The following LRRC9 variants were observed in gnomAD, a reference collection of about 807,000 sequenced individuals.
The protein encoded by LRRC9 is leucine-rich repeat-containing protein 9.
Under a neutral mutation model 63.2 loss-of-function variants are expected in LRRC9, and 122 were observed. The ratio of observed to expected loss-of-function variants is 1.93; its 90% CI spans 1.67 to 2.24. LRRC9 has a LOEUF of 2.24. LRRC9 is among the 30% of genes most tolerant of loss of function. LRRC9 has a pLI of 0.00. For missense variants in LRRC9, 1,071 were observed against 627.7 expected (o/e 1.71, Z -7.55); for synonymous variants, 366 against 213.1 (o/e 1.72, Z -6.25).
chr14:59,957,542 A>G (rs1448783273), intron 8 of LRRC9, among the ~76,000 whole-genome samples: 1 of 151,946 alleles, frequency 6.6e-6, no homozygotes, highest in Non-Finnish European at 1.5e-5. Flanking sequence ...CCTTTTATCA[A>G]TGTTCTTAGC....
intron 17 of LRRC9, among the ~76,000 whole-genome samples, chr14:59,994,931 C>T (rs1217205046): frequency 6.6e-6 from 1 of 151,962 alleles, no homozygotes; most frequent in Non-Finnish European, 1.5e-5. Context: ...CTGGGTGCAG[C>T]ACACCAACAT....
At chr14:60,063,231 G>A (rs117610982) in intron 31 of LRRC9, 92 bp from the exon 33 acceptor site, 1 of 662,270 alleles carries the variant, frequency 1.5e-6, no homozygotes. Flanking sequence ...CTAAAATACA[G>A]AAATTATTTA....
chr14:60,047,269 G>C (rs1893514479), intron 29 of LRRC9, among the ~76,000 whole-genome samples: 2 of 152,014 alleles, frequency 1.3e-5, no homozygotes, highest in African/African-American at 4.8e-5. Context: ...TTGCCTGATT[G>C]TCCTGGCCAG....
chr14:60,032,893 C>G (rs564591785), intron 29 of LRRC9, among the ~76,000 whole-genome samples: 1 of 152,124 alleles, frequency 6.6e-6, no homozygotes, highest in African/African-American at 2.4e-5. Context: ...TGAGAAAACC[C>G]AGGAGGGCCA....
At chr14:59,983,404 T>C (rs955552420) in intron 16 of LRRC9, among the ~76,000 whole-genome samples, 1 of 152,202 alleles carries the variant, frequency 6.6e-6, no homozygotes, top group African/African-American at 2.4e-5. Context: ...AGATTTACTA[T>C]TTTAGTAAGA....
chr14:59,975,465 G>A (rs1217669300), intron 13 of LRRC9, among the ~76,000 whole-genome samples: 1 of 151,770 alleles, frequency 6.6e-6, no homozygotes, highest in East Asian at 1.9e-4. Context: ...AGAAATATAA[G>A]TACACAAACC....
intron 29 of LRRC9, among the ~76,000 whole-genome samples, chr14:60,040,820 T>C (rs558893905): frequency 2.4e-4 from 37 of 151,998 alleles, no homozygotes; most frequent in Non-Finnish European, 4.4e-4. Flanking sequence ...AGCTGGTTAT[T>C]TTGCTCATCA....
chr14:60,024,695 T>A (rs1891383177), intron 27 of LRRC9, among the ~76,000 whole-genome samples: 1 of 152,026 alleles, frequency 6.6e-6, no homozygotes, highest in African/African-American at 2.4e-5. Flanking sequence ...TTATTTTAGA[T>A]TCAAGGGGTA....
intron 23 of LRRC9, among the ~76,000 whole-genome samples, chr14:60,014,379 G>A (rs556155155): frequency 1.3e-5 from 2 of 151,884 alleles, no homozygotes; most frequent in South Asian, 4.1e-4. Context: ...GGCATTCCAA[G>A]ATTCCTTTTT....
At chr14:59,965,059 G>A (rs1193482474) in intron 10 of LRRC9, among the ~76,000 whole-genome samples, 1 of 152,170 alleles carries the variant, frequency 6.6e-6, no homozygotes, top group East Asian at 1.9e-4. Flanking sequence ...TTATGTAGGT[G>A]AGGACCTAGA....
exon 27 of LRRC9, chr14:60,022,773 C>T: frequency 1.5e-6 from 1 of 674,432 alleles, no homozygotes; most frequent in South Asian, 1.6e-5. Context: ...CAATAATGCA[C>T]AGTTTAGAAG....
At chr14:60,048,416 G>C (rs1180391307) in intron 29 of LRRC9, among the ~76,000 whole-genome samples, 4 of 152,040 alleles carry the variant, frequency 2.6e-5, no homozygotes, top group Non-Finnish European at 2.9e-5. Flanking sequence ...GAAGAAAAGA[G>C]AGAAGAATCA....
At chr14:59,957,219 G>GT (rs1883860328) in intron 8 of LRRC9, among the ~76,000 whole-genome samples, 2 of 152,104 alleles carry the variant, frequency 1.3e-5, no homozygotes. Flanking sequence ...CCTGAAGTGT[G>GT]TTTTCCAACT....
rs143722859 is a variant in LRRC9 at position 59,936,342 on chromosome 14, G to C, written c.544-2048G>C. Among the ~76,000 whole-genome samples, 1 of 152,068 alleles carries C rather than the reference G, an allele frequency of 6.6e-6. No individual in the cohort carries two copies. Among genetic ancestry groups the C allele is most frequent in the South Asian group, 2.1e-4 (1 of 4,824 alleles). ...GTTTTACTATCTTCATATTAAAAAT[G>C]TTCCTGGAACACTATTATCTTAGAT... On this transcript the variant is annotated intron_variant, in intron 6 of 31. Transcript: ENST00000445360. This position sits in a 1 kb window ranked among gnomAD's most constrained non-coding sequence, Gnocchi z 4.2.
chr14:59,939,667 A>C (rs187000049), intron 7 of LRRC9, among the ~76,000 whole-genome samples: 112 of 152,126 alleles, frequency 7.4e-4, no homozygotes, highest in Admixed American at 2.7e-3. Flanking sequence ...AGTACAGAGG[A>C]AAGAAGTAGA....
rs1229669009 is a variant in LRRC9 at position 60,053,412 on chromosome 14, CACACACACATAT to C, written c.4131+209_4131+220del. ...ACACACACACACACACACACACACA[CACACACACATAT>C]ATATGTAAGTCAGGGAACATCCTTT... is the stretch of plus-strand genomic sequence containing the variant. On this transcript the variant is annotated intron_variant, in intron 30 of 31. Transcript: ENST00000445360. The surrounding 1 kb of genome is among the most constrained non-coding windows in gnomAD (Gnocchi z 4.8). Among the ~76,000 whole-genome samples, 1 of 120,154 alleles carries C rather than the reference CACACACACATAT, an allele frequency of 8.3e-6. No individual in the cohort carries two copies. Among genetic ancestry groups the C allele is most frequent in the African/African-American group, 2.8e-5 (1 of 35,636 alleles). 78.8% of individuals were successfully genotyped at this position (120,154 alleles called of 152,430 possible).
Position 59,956,523 on chromosome 14 carries a change from A to G in LRRC9, c.883-3295A>G, listed in dbSNP as rs566078193. On this transcript the variant is annotated intron_variant, in intron 8 of 31. Transcript: ENST00000445360. ...TCCTCCATCCCTTTATTTTGAGCCT[A>G]TGTGTGTCTTTGCACGTGAGAGGGG... Among the ~76,000 whole-genome samples the G allele has an allele frequency of 1.6e-3, 244 of 152,218 alleles. 2 individuals are homozygous for G. The highest frequency in any genetic ancestry group is 5.2e-3 in the African/African-American group (214 of 41,538).
intron 31 of LRRC9, chr14:60,062,161 G>A (rs966253677): frequency 2.5e-6 from 1 of 398,444 alleles, no homozygotes; most frequent in Non-Finnish European, 4.4e-6. Flanking sequence ...ATATACCAGA[G>A]CAACCAAGAT....
chr14:59,947,541 G>C (rs1483679616), intron 8 of LRRC9, among the ~76,000 whole-genome samples: 41 of 132,242 alleles, frequency 3.1e-4, no homozygotes, highest in African/African-American at 1.2e-3. Flanking sequence ...TTTGGCTTTT[G>C]TTGCCATTGC....
Sources: gnomAD v4.1 joint callset for allele counts (sites outside exome capture counted in the v4.1 genomes callset) on GRCh38, gnomAD v4.1.1 for gene constraint, Gnocchi (gnomAD v3.1) non-coding constraint, MANE v1.5 for transcripts, NCBI Gene and HGNC (gene_info 2026-07-23, HGNC 2026-07-21) for gene names.